PHF14: variants seen among roughly 807,000 people sequenced by gnomAD.
PHF14 encodes the protein PHD finger protein 14.
A neutral mutation model predicts 117.9 loss-of-function variants in PHF14; 55 were observed. That is an observed-to-expected ratio of 0.47 (90% confidence interval 0.38 to 0.58). The LOEUF (loss-of-function observed/expected upper bound fraction) is 0.58, where lower values mean the gene tolerates loss of function less well. Among genes scored for constraint, PHF14 ranks in the 20% least tolerant of loss-of-function variants. The pLI is 0.00. For synonymous variants in PHF14, 409 were observed against 368.6 expected (o/e 1.11, Z -1.26); for missense variants, 978 against 1,122.2 (o/e 0.87, Z 1.84).
chr7:11,000,015 G>A (rs550777055), intron 4 of PHF14, among the ~76,000 whole-genome samples: 14 of 152,040 alleles, frequency 9.2e-5, no homozygotes, highest in Non-Finnish European at 1.5e-4. Context: ...AGAAGGAGAG[G>A]GAAATTGATG....
At chr7:11,019,264 A>G (rs1453670562) in intron 5 of PHF14, among the ~76,000 whole-genome samples, 1 of 152,148 alleles carries the variant, frequency 6.6e-6, no homozygotes, top group Admixed American at 6.5e-5. Flanking sequence ...GAGTTTGGAA[A>G]TATTCCCTCT....
At chr7:11,009,137 C>G (rs1488548931) in intron 4 of PHF14, among the ~76,000 whole-genome samples, 2 of 151,160 alleles carry the variant, frequency 1.3e-5, no homozygotes, top group African/African-American at 4.9e-5. Flanking sequence ...TAAATGGCAA[C>G]TTTTATATAC....
At position 11,098,152 on chromosome 7, in the gene PHF14, C is replaced by G. The variant is rs564184757; in HGVS notation, c.2655-13198C>G. Among the ~76,000 whole-genome samples the G allele has an allele frequency of 2.0e-3, 300 of 152,248 alleles. 1 individual carries two copies. The highest frequency in any genetic ancestry group is 7.1e-3 in the African/African-American group (294 of 41,554). ...AATCACCTATAATCTTACACTATCTCAATGTATTTACTTCTATTCAGACAT... is the reference window on the plus strand; with the variant it reads ...AATCACCTATAATCTTACACTATCTGAATGTATTTACTTCTATTCAGACAT... On this transcript the variant is annotated intron_variant, in intron 16 of 17. Transcript: ENST00000634607.
chr7:11,104,668 T>C (rs970084122), intron 16 of PHF14: 14 of 961,524 alleles, frequency 1.5e-5, no homozygotes, highest in African/African-American at 3.5e-5. Flanking sequence ...TTCTCAAACG[T>C]TGTGCATTGG....
intron 16 of PHF14, chr7:11,071,332 C>A: frequency 2.0e-6 from 1 of 512,766 alleles, no homozygotes; most frequent in South Asian, 1.4e-5. Context: ...TCAGTAGCAT[C>A]TTCTTCCAAG....
At chr7:11,011,364 C>G (rs1341096578) in intron 4 of PHF14, among the ~76,000 whole-genome samples, 2 of 152,064 alleles carry the variant, frequency 1.3e-5, no homozygotes, top group Non-Finnish European at 2.9e-5. Flanking sequence ...TAGTGTTTAC[C>G]AGTTCAAATA....
At chr7:11,093,493 T>C (rs931838928) in intron 16 of PHF14, among the ~76,000 whole-genome samples, 1 of 152,206 alleles carries the variant, frequency 6.6e-6, no homozygotes, top group Non-Finnish European at 1.5e-5. Flanking sequence ...TTCTTTACTA[T>C]TTCCTGTGTT....
intron 16 of PHF14, chr7:11,107,223 AACACC>A: frequency 1.0e-6 from 1 of 977,754 alleles, no homozygotes. Context: ...TAGTCAGGTA[AACACC>A]TGACTAATTG....
intron 16 of PHF14, among the ~76,000 whole-genome samples, chr7:11,085,835 T>C (rs903450545): frequency 1.3e-5 from 2 of 152,056 alleles, no homozygotes; most frequent in African/African-American, 4.8e-5. Context: ...GATTTGCTAC[T>C]GATAAGTACA....
chr7:10,993,418 C>T (rs1259309266), intron 4 of PHF14, among the ~76,000 whole-genome samples: 2 of 152,056 alleles, frequency 1.3e-5, no homozygotes, highest in African/African-American at 4.8e-5. Context: ...CCTTTTTTTG[C>T]TGCTAACACT....
At position 11,061,913 on chromosome 7, in the gene PHF14, A is replaced by T. The variant is rs1785237163; in HGVS notation, c.2533-51A>T. 5 of 1,534,858 alleles carry T rather than the reference A, an allele frequency of 3.3e-6. No individual in the cohort carries two copies. In the Admixed American group the frequency reaches 8.4e-5, roughly 26 times the overall value. On this transcript the variant is annotated intron_variant, in intron 15 of 17. Coordinates refer to ENST00000634607, the MANE Select transcript of PHF14 (RefSeq NM_001007157.2). ...TTTCTTGCTTAAAATTGTTTCCCTCATATCCTTATTTTGTTTGTTATGTTT... is the reference window on the plus strand; with the variant it reads ...TTTCTTGCTTAAAATTGTTTCCCTCTTATCCTTATTTTGTTTGTTATGTTT...
At chr7:11,027,372 G>C (rs1783957425) in intron 6 of PHF14, among the ~76,000 whole-genome samples, 1 of 151,956 alleles carries the variant, frequency 6.6e-6, no homozygotes, top group Non-Finnish European at 1.5e-5. Flanking sequence ...CCTTGTATTT[G>C]TTTCCTTCTT....
chr7:10,980,952 C>G (rs4385368), intron 2 of PHF14, among the ~76,000 whole-genome samples: 1,759 of 152,116 alleles, frequency 0.012, 34 homozygotes, highest in African/African-American at 0.041. Context: ...GTGTTTTTTT[C>G]AGAACAGTCC....
chr7:11,161,541 GACTATGGAACTGTA>G (rs976328450), intron 17 of PHF14, among the ~76,000 whole-genome samples: 124 of 151,930 alleles, frequency 8.2e-4, no homozygotes, highest in African/African-American at 2.9e-3. Context: ...TGAAAAATCT[GACTATGGAACTGTA>G]ATTTGACTAG....
At chr7:11,067,757 C>A (rs1020562101) in intron 16 of PHF14, among the ~76,000 whole-genome samples, 4 of 152,132 alleles carry the variant, frequency 2.6e-5, no homozygotes, top group African/African-American at 9.7e-5. Flanking sequence ...AAGGTGCTTT[C>A]ACTCATGGTG....
intron 17 of PHF14, among the ~76,000 whole-genome samples, chr7:11,157,835 A>G (rs1462648163): frequency 6.6e-6 from 1 of 152,070 alleles, no homozygotes. Flanking sequence ...CTGAAACCCC[A>G]TTTTCCATAA....
chr7:11,028,625 A>T, intron 6 of PHF14, 56 bp from the exon 7 acceptor site: 1 of 1,522,940 alleles, frequency 6.6e-7, no homozygotes. Context: ...ATGAGAATGC[A>T]GTCTTTAGTC....
chr7:11,121,539 C>A (rs1376721455), intron 17 of PHF14, among the ~76,000 whole-genome samples: 1 of 152,064 alleles, frequency 6.6e-6, no homozygotes, highest in East Asian at 1.9e-4. Flanking sequence ...CTAGACATGT[C>A]TTTTCAGTGA....
chr7:11,140,626 A>G (rs1788372980), intron 17 of PHF14, among the ~76,000 whole-genome samples: 1 of 152,180 alleles, frequency 6.6e-6, no homozygotes, highest in African/African-American at 2.4e-5. Flanking sequence ...AAGAAATAAT[A>G]TAATCCATAA....
Sources: allele counts gnomAD v4.1 joint callset (sites outside exome capture counted in the v4.1 genomes callset), GRCh38; gene constraint gnomAD v4.1.1; transcripts MANE v1.5; gene names NCBI Gene and HGNC (gene_info 2026-07-23, HGNC 2026-07-21).